The following ALK variants were observed in gnomAD, a reference collection of about 807,000 sequenced individuals.
ALK encodes ALK tyrosine kinase receptor.
Under a neutral mutation model 163.1 loss-of-function variants are expected in ALK, and 74 were observed. The observed-to-expected ratio is 0.45, with a 90% CI of 0.38 to 0.55. The LOEUF is 0.55. ALK is among the 20% of genes least tolerant of loss of function. The pLI, the probability that ALK is intolerant of heterozygous loss-of-function variation, is 0.00. For synonymous variants in ALK, 960 were observed against 843.2 expected, an observed-to-expected ratio of 1.14 and a Z score of -2.40; for missense variants, 2,063 against 2,105.3, an observed-to-expected ratio of 0.98 and a Z score of 0.39.
intron 26 of ALK, among the ~76,000 whole-genome samples, chr2:29,203,467 A>G (rs139076660): frequency 0.019 from 1,923 of 100,812 alleles, 65 homozygotes; most frequent in African/African-American, 0.066. Flanking sequence ...CTTTATCACC[A>G]TTGGCCTGAG....
chr2:29,435,754 C>T (rs1041006480), intron 4 of ALK, among the ~76,000 whole-genome samples: 1 of 152,144 alleles, frequency 6.6e-6, no homozygotes, highest in Non-Finnish European at 1.5e-5. Context: ...CTAGACAGAC[C>T]TGGGTAACTC....
At chr2:29,496,213 A>G (rs1482499706) in intron 4 of ALK, among the ~76,000 whole-genome samples, 1 of 152,268 alleles carries the variant, frequency 6.6e-6, no homozygotes, top group Non-Finnish European at 1.5e-5. Flanking sequence ...GTAGGATAGC[A>G]TATGCTTATA....
intron 3 of ALK, among the ~76,000 whole-genome samples, chr2:29,572,537 A>G (rs1674404889): frequency 6.6e-6 from 1 of 152,080 alleles, no homozygotes; most frequent in African/African-American, 2.4e-5. Context: ...CTTGTGTGCC[A>G]GGAAAATCCA....
At chr2:29,761,249 G>A (rs1363878068) in intron 1 of ALK, among the ~76,000 whole-genome samples, 3 of 152,212 alleles carry the variant, frequency 2.0e-5, no homozygotes, top group Non-Finnish European at 2.9e-5. Flanking sequence ...AATTTGGGAC[G>A]TAGTAAAGTA....
intron 1 of ALK, among the ~76,000 whole-genome samples, chr2:29,774,179 A>G (rs1180761200): frequency 6.6e-6 from 1 of 152,184 alleles, no homozygotes; most frequent in Non-Finnish European, 1.5e-5. Flanking sequence ...TTAAATTTTT[A>G]CAAATGACTG....
intron 3 of ALK, among the ~76,000 whole-genome samples, chr2:29,538,385 G>T (rs752525995): frequency 6.6e-6 from 1 of 152,074 alleles, no homozygotes; most frequent in Non-Finnish European, 1.5e-5. Flanking sequence ...TGTGAGATCT[G>T]GTTGTTTAAA....
At chr2:29,384,438 T>C (rs1365971529) in intron 4 of ALK, among the ~76,000 whole-genome samples, 5 of 152,190 alleles carry the variant, frequency 3.3e-5, no homozygotes, top group Admixed American at 3.3e-4. Flanking sequence ...ACGTGGACTT[T>C]GCAAAAAGTG....
chr2:29,717,599 G>A lies in ALK; in HGVS notation c.766C>T (p.Leu256=), dbSNP rs1573580077. The A allele has an allele frequency of 2.5e-6, 4 of 1,614,052 alleles. No homozygotes were observed. The highest frequency in any genetic ancestry group is 3.4e-6 in the Non-Finnish European group (4 of 1,179,938). ...TWIMKDSFPF[L]SHRSRYGLEC... is the part of the protein sequence containing the mutation. ...TTACCATATCGGCTGCGATGAGACA[G>A]GAAAGGGAAGGAGTCTTTCATTATC... Residue 256 remains leucine, a synonymous_variant, in exon 2 of 29, where the codon CTG becomes TTG. Transcript: ENST00000389048.
intron 4 of ALK, among the ~76,000 whole-genome samples, chr2:29,493,168 T>C (rs992699537): frequency 2.0e-5 from 3 of 152,224 alleles, no homozygotes; most frequent in Non-Finnish European, 4.4e-5. Context: ...GATTGGTGTC[T>C]CTCTGTCCTC....
intron 3 of ALK, among the ~76,000 whole-genome samples, chr2:29,630,975 T>C (rs1250236593): frequency 6.6e-6 from 1 of 152,218 alleles, no homozygotes; most frequent in Non-Finnish European, 1.5e-5. Flanking sequence ...AGGTAGCAAT[T>C]TAAAAACATA....
intron 4 of ALK, among the ~76,000 whole-genome samples, chr2:29,517,716 C>G (rs191032795): frequency 8.5e-4 from 130 of 152,310 alleles, no homozygotes; most frequent in African/African-American, 3.1e-3. Flanking sequence ...AGGATTGCAG[C>G]CTTGCTTTTT....
chr2:29,351,189 A>C (rs1014155664), intron 5 of ALK, among the ~76,000 whole-genome samples: 4 of 152,228 alleles, frequency 2.6e-5, no homozygotes, highest in Non-Finnish European at 5.9e-5. Context: ...ATATAGAGTT[A>C]TTAAAGATAG....
At chr2:29,196,538 T>C (rs1202413377) in intron 28 of ALK, among the ~76,000 whole-genome samples, 3 of 152,226 alleles carry the variant, frequency 2.0e-5, no homozygotes, top group African/African-American at 7.2e-5. Context: ...TTCCCCAGTT[T>C]TTACTGTGTG....
At chr2:29,208,416 C>G (rs764015836) in intron 25 of ALK, among the ~76,000 whole-genome samples, 1 of 152,008 alleles carries the variant, frequency 6.6e-6, no homozygotes, top group Non-Finnish European at 1.5e-5. Flanking sequence ...ACAGAGGGCT[C>G]GAGGAGTCAT....
rs568074772 is a variant in ALK at position 29,877,268 on chromosome 2, G to A, written c.667+42725C>T. On this transcript the variant is annotated intron_variant, in intron 1 of 28. Coordinates refer to ENST00000389048, the MANE Select transcript of ALK (RefSeq NM_004304.5). ...ACTTGCTGTTTCCTCTGCCTTAAGT[G>A]CTCTTCCTCCAGATATCCTCATGGC... 6.6e-5 allele frequency among the ~76,000 whole-genome samples: 10 copies of A among 152,244 alleles called. 1 individual carries two copies. The highest frequency in any genetic ancestry group is 1.9e-4 in the East Asian group (1 of 5,170).
chr2:29,282,279 G>T (rs1201232727), intron 9 of ALK, among the ~76,000 whole-genome samples: 1 of 152,214 alleles, frequency 6.6e-6, no homozygotes, highest in Non-Finnish European at 1.5e-5. Flanking sequence ...AAAATGGGCT[G>T]TCATGAAGCT....
chr2:29,762,593 T>C (rs189561590), intron 1 of ALK, among the ~76,000 whole-genome samples: 48 of 152,356 alleles, frequency 3.2e-4, no homozygotes, highest in African/African-American at 1.1e-3. Context: ...GACTCAGTTA[T>C]GGCTGAAGTG....
In ALK at chr2:29,252,688, C is replaced by CATTT. The variant is rs575329447; in HGVS notation, c.2042-1425_2042-1422dup. ...GAGTCCTCAACACTTTTCTGGGCTT[C>CATTT]ATTTATTTATTTATTTATTTATTTT... On this transcript the variant is annotated intron_variant, in intron 11 of 28. Transcript: ENST00000389048. Among the ~76,000 whole-genome samples, 1,132 of 151,830 alleles carry CATTT rather than the reference C, an allele frequency of 7.5e-3. 15 individuals carry two copies. Among genetic ancestry groups the CATTT allele is most frequent in the African/African-American group, 0.025 (1,051 of 41,360 alleles).
chr2:29,909,249 A>C (rs1213054776), intron 1 of ALK, among the ~76,000 whole-genome samples: 1 of 152,264 alleles, frequency 6.6e-6, no homozygotes, highest in Non-Finnish European at 1.5e-5. Context: ...ATAATCCTTG[A>C]AAGAGTGAGA....
Sources: allele counts gnomAD v4.1 joint callset (sites outside exome capture counted in the v4.1 genomes callset), GRCh38; gene constraint gnomAD v4.1.1; transcripts MANE v1.5; gene names NCBI Gene and HGNC (gene_info 2026-07-23, HGNC 2026-07-21).